DRP2: variants seen among roughly 807,000 people sequenced by gnomAD.
DRP2 encodes the protein dystrophin-related protein 2.
Under a neutral mutation model 78.2 loss-of-function variants are expected in DRP2, and 29 were observed. That is an observed-to-expected ratio of 0.37 (90% confidence interval 0.28 to 0.51). The LOEUF (loss-of-function observed/expected upper bound fraction) is 0.51. DRP2 is among the 20% of genes least tolerant of loss of function. The pLI is 0.94. For synonymous variants in DRP2, 290 were observed against 281.9 expected (o/e 1.03, Z -0.29); for missense variants, 686 against 770.6 (o/e 0.89, Z 1.30).
intron 3 of DRP2, among the ~76,000 whole-genome samples, 165 bp from the exon 4 acceptor site, chrX:101,235,695 C>T (rs1279465802): frequency 4.4e-5 from 5 of 112,801 alleles, no homozygotes; most frequent in Non-Finnish European, 3.7e-5. Flanking sequence ...AACAGGACCA[C>T]AGGGTCTTTC....
Position 101,227,200 on chromosome X carries a change from G to C in DRP2, c.-64+2494G>C, listed in dbSNP as rs759914142. Among the ~76,000 whole-genome samples the C allele has an allele frequency of 2.7e-5, 3 of 111,769 alleles. No homozygotes were observed. In the East Asian group the frequency reaches 8.5e-4, roughly 32 times the overall value. ...CTCCAGCTCTCAATACTGTCACATT[G>C]GGGACAGATATTCAAACCACAGCAC... On this transcript the variant is annotated intron_variant, in intron 2 of 23. Transcript: ENST00000395209.
chrX:101,225,062 G>A (rs1922071710), intron 2 of DRP2, among the ~76,000 whole-genome samples: 1 of 111,834 alleles, frequency 8.9e-6, no homozygotes, highest in Non-Finnish European at 1.9e-5. Flanking sequence ...TCTAGGCATT[G>A]GGGAGGCTCT....
intron 10 of DRP2, 50 bp from the exon 11 acceptor site, chrX:101,245,338 G>A (rs1922888859): frequency 8.3e-6 from 9 of 1,086,272 alleles, no homozygotes; most frequent in Non-Finnish European, 1.1e-5. Flanking sequence ...CTGAGTGTGG[G>A]GGTGGGTGGG....
chrX:101,221,492 G>A (rs570305723), intron 1 of DRP2, among the ~76,000 whole-genome samples: 1 of 112,608 alleles, frequency 8.9e-6, no homozygotes, highest in Admixed American at 9.4e-5. Flanking sequence ...AAGCCCCTCT[G>A]TCTCTGGGTT....
In DRP2 at chrX:101,261,800, A is replaced by C. The variant is rs1923564446; in HGVS notation, c.*1179A>C. On this transcript the variant is annotated 3_prime_UTR_variant, in exon 24 of 24. Coordinates refer to ENST00000395209, the MANE Select transcript of DRP2 (RefSeq NM_001939.3). ...ACTCTGGAAGGTGAATCCAATCCTC[A>C]AACTGAACTAGCTCTTCCTAGGCGA... The C allele has an allele frequency of 9.0e-6, 1 of 111,537 alleles. No individual in the cohort carries two copies. The highest frequency in any genetic ancestry group is 3.3e-5 in the African/African-American group (1 of 30,695). 9.2% of individuals were successfully genotyped at this position (111,537 alleles called of 1,213,427 possible). A position where few individuals can be genotyped will look rare whatever the true frequency, so the allele number is the denominator to read the frequency against.
In DRP2 at chrX:101,228,714, G is replaced by A. The variant is rs1309934324; in HGVS notation, c.-63-2871G>A. Among the ~76,000 whole-genome samples the A allele has an allele frequency of 3.6e-5, 4 of 111,309 alleles. No homozygotes were observed. In the South Asian group the frequency reaches 1.1e-3, roughly 32 times the overall value. ...ACTTGAGCTCAGGAGTTTGAGACCAGCCTGGCAACATGACAAAACCCCGTC... is the reference window on the plus strand; with the variant it reads ...ACTTGAGCTCAGGAGTTTGAGACCAACCTGGCAACATGACAAAACCCCGTC... On this transcript the variant is annotated intron_variant, in intron 2 of 23. Transcript: ENST00000395209.
intron 12 of DRP2, among the ~76,000 whole-genome samples, chrX:101,247,806 A>G (rs1477784992): frequency 1.8e-5 from 2 of 112,750 alleles, no homozygotes; most frequent in Middle Eastern, 4.6e-3. Context: ...GAGAGTTAGT[A>G]TAACATAGGA....
At chrX:101,237,816 G>T in intron 5 of DRP2, 41 bp downstream of exon 5, 2 of 1,060,234 alleles carry the variant, frequency 1.9e-6, no homozygotes, top group Non-Finnish European at 2.5e-6. Flanking sequence ...TAGCCTCTCA[G>T]CTGGGGAGGA....
intron 3 of DRP2, among the ~76,000 whole-genome samples, chrX:101,234,349 C>A (rs1029389730): frequency 1.8e-5 from 2 of 113,262 alleles, no homozygotes; most frequent in African/African-American, 6.4e-5. Flanking sequence ...CCCAGTCCCA[C>A]TCCCGCCATC....
intron 3 of DRP2, among the ~76,000 whole-genome samples, chrX:101,232,375 T>A (rs1345286922): frequency 9.1e-6 from 1 of 109,714 alleles, no homozygotes; most frequent in Non-Finnish European, 1.9e-5. Context: ...ATGAGGGAGG[T>A]CTAGGGAAAG....
chrX:101,224,181 G>GTTTTTTTTTTTTTTTTTTTTTTTTTTTTT lies in DRP2; in HGVS notation c.-166-423_-166-422insTTTTTTTTTTTTTTTTTTTTTTTTTTTTT, dbSNP rs1379202759. Reference sequence around the variant, plus strand: ...TCCCAAGAATAATAAATGTTTGCTGGGTTTTTTTTGTTTTTTTTTTTTTTT... The same window carrying GTTTTTTTTTTTTTTTTTTTTTTTTTTTTT: ...TCCCAAGAATAATAAATGTTTGCTGGTTTTTTTTTTTTTTTTTTTTTTTTTTTTTGTTTTTTTTGTTTTTTTTTTTTTTT... On this transcript the variant is annotated intron_variant, in intron 1 of 23. Transcript: ENST00000395209. 4.2e-5 allele frequency among the ~76,000 whole-genome samples: 2 copies of GTTTTTTTTTTTTTTTTTTTTTTTTTTTTT among 47,654 alleles called. 1 individual carries two copies. Among genetic ancestry groups the GTTTTTTTTTTTTTTTTTTTTTTTTTTTTT allele is most frequent in the African/African-American group, 2.4e-4 (2 of 8,180 alleles). 41.4% of individuals were successfully genotyped at this position (47,654 alleles called of 115,157 possible).
At chrX:101,237,846 G>A (rs1922568200) in intron 5 of DRP2, 71 bp downstream of exon 5, 1 of 993,189 alleles carries the variant, frequency 1.0e-6, no homozygotes, top group Non-Finnish European at 1.3e-6. Context: ...TCAGTACCCT[G>A]ACAGACACCC....
Position 101,264,028 on chromosome X carries a change from C to T in DRP2, c.*3407C>T, listed in dbSNP as rs1293164914. ...AAGCAAGAAAGTAGCTGCCTTAACT[C>T]GAACAGTTCTGGGAAAAAAACTGGG... is the stretch of plus-strand genomic sequence containing the variant. On this transcript the variant is annotated 3_prime_UTR_variant, in exon 24 of 24. Coordinates refer to ENST00000395209, the MANE Select transcript of DRP2 (RefSeq NM_001939.3). 1 of 111,968 alleles carries T rather than the reference C, an allele frequency of 8.9e-6. No homozygotes were observed. Among genetic ancestry groups the T allele is most frequent in the Non-Finnish European group, 1.9e-5 (1 of 53,214 alleles). 9.2% of individuals were successfully genotyped at this position (111,968 alleles called of 1,213,427 possible).
chrX:101,247,315 C>T, intron 12 of DRP2, 151 bp downstream of exon 12: 1 of 481,184 alleles, frequency 2.1e-6, no homozygotes, highest in Non-Finnish European at 3.4e-6. Flanking sequence ...TAGCTGTCAA[C>T]TTCTGCTCTT....
At chrX:101,233,591 T>C (rs1922383314) in intron 3 of DRP2, among the ~76,000 whole-genome samples, 1 of 112,248 alleles carries the variant, frequency 8.9e-6, no homozygotes, top group Non-Finnish European at 1.9e-5. Flanking sequence ...CGATGTGTTT[T>C]CCCTCAGTGC....
At chrX:101,231,466 G>T in intron 2 of DRP2, 119 bp from the exon 3 acceptor site, 1 of 506,368 alleles carries the variant, frequency 2.0e-6, no homozygotes. Context: ...GGTGGCCTGG[G>T]TAGGTCAGTA....
chrX:101,257,526 A>G (rs1349599366), intron 21 of DRP2, among the ~76,000 whole-genome samples: 1 of 109,820 alleles, frequency 9.1e-6, no homozygotes, highest in African/African-American at 3.3e-5. Flanking sequence ...TAGTAGGCTC[A>G]TCTCGTTGAA....
intron 22 of DRP2, among the ~76,000 whole-genome samples, chrX:101,259,799 A>T (rs1923479661): frequency 8.9e-6 from 1 of 112,564 alleles, no homozygotes; most frequent in Non-Finnish European, 1.9e-5. Context: ...CGCCCAGCCT[A>T]CAATGCCATT....
At chrX:101,234,590 T>C (rs1922420424) in intron 3 of DRP2, among the ~76,000 whole-genome samples, 1 of 112,317 alleles carries the variant, frequency 8.9e-6, no homozygotes, top group African/African-American at 3.2e-5. Flanking sequence ...GGATTCTGCC[T>C]GTTTGTGGCT....
Sources: gnomAD v4.1 joint callset for allele counts (sites outside exome capture counted in the v4.1 genomes callset) on GRCh38, gnomAD v4.1.1 for gene constraint, MANE v1.5 for transcripts, NCBI Gene and HGNC (gene_info 2026-07-23, HGNC 2026-07-21) for gene names.